The following FILIP1L variants were observed in gnomAD, a reference collection of about 807,000 sequenced individuals.
FILIP1L encodes the protein filamin A interacting protein 1 like.
Under a neutral mutation model 96.6 loss-of-function variants are expected in FILIP1L, and 55 were observed. The ratio of observed to expected loss-of-function variants is 0.57; its 90% CI spans 0.46 to 0.71. The LOEUF (loss-of-function observed/expected upper bound fraction) is 0.71, where lower values mean the gene tolerates loss of function less well. Among genes scored for constraint, FILIP1L ranks in the 30% least tolerant of loss-of-function variants. The probability of loss-of-function intolerance (pLI) is 0.00; values close to 1 mark genes in which losing one functional copy is unlikely to be tolerated. For synonymous variants in FILIP1L, 467 were observed against 473.9 expected, an observed-to-expected ratio of 0.99 and a Z score of 0.19; for missense variants, 1,304 against 1,321.2, an observed-to-expected ratio of 0.99 and a Z score of 0.20.
At chr3:100,100,974 G>A (rs919928894) in intron 1 of FILIP1L, among the ~76,000 whole-genome samples, 1 of 152,152 alleles carries the variant, frequency 6.6e-6, no homozygotes, top group Non-Finnish European at 1.5e-5. Flanking sequence ...GGTATATGGA[G>A]AACAGAGAAG....
intron 4 of FILIP1L, among the ~76,000 whole-genome samples, chr3:99,875,189 G>GA (rs1183305225): frequency 2.6e-5 from 4 of 152,060 alleles, no homozygotes; most frequent in Non-Finnish European, 5.9e-5. Flanking sequence ...CTTTTAGTTG[G>GA]AAAAAATGAA....
chr3:100,004,518 T>G (rs1397774581), intron 1 of FILIP1L, among the ~76,000 whole-genome samples: 2 of 152,098 alleles, frequency 1.3e-5, no homozygotes, highest in Non-Finnish European at 2.9e-5. Flanking sequence ...AAAATCCCAT[T>G]AAATTTAGTT....
chr3:99,924,112 C>T, intron 4 of FILIP1L, 118 bp downstream of exon 4: 1 of 843,044 alleles, frequency 1.2e-6, no homozygotes, highest in Non-Finnish European at 1.9e-6. Flanking sequence ...TCACCCTGGA[C>T]TATGAGATCT....
chr3:99,963,316 T>C (rs1335108924), intron 1 of FILIP1L, among the ~76,000 whole-genome samples: 1 of 152,224 alleles, frequency 6.6e-6, no homozygotes, highest in Non-Finnish European at 1.5e-5. Context: ...AAGTGCTTCT[T>C]GGGAACAGAA....
chr3:99,991,836 ATG>A (rs112596171), intron 1 of FILIP1L, among the ~76,000 whole-genome samples: 122 of 143,494 alleles, frequency 8.5e-4, no homozygotes, highest in African/African-American at 1.7e-3. Context: ...ATATATATAT[ATG>A]TGTGTGTGTG....
At chr3:99,886,584 C>T (rs2107609065) in intron 4 of FILIP1L, among the ~76,000 whole-genome samples, 1 of 151,884 alleles carries the variant, frequency 6.6e-6, no homozygotes, top group Middle Eastern at 3.4e-3. Context: ...ATAGAACAAA[C>T]AAATGAACAA....
At chr3:100,040,227 G>A (rs2065180716) in intron 1 of FILIP1L, 2 of 151,908 alleles carry the variant, frequency 1.3e-5, no homozygotes, top group African/African-American at 4.8e-5. Flanking sequence ...TACAACATAA[G>A]ATTAAACAAA....
rs34655586 is a variant in FILIP1L, at chr3:99,971,333, C to CAA, written c.-10-40305_-10-40304dup. ...CCAGCCTGGGTGACAGAGCCCATCT[C>CAA]AAAAAAAAAAAAAAAAGAGAATATG... On this transcript the variant is annotated intron_variant, in intron 1 of 5. Coordinates refer to ENST00000477258, the MANE Select transcript of FILIP1L (RefSeq NM_001387850.1). 6.1e-3 allele frequency among the ~76,000 whole-genome samples: 745 copies of CAA among 121,336 alleles called. 6 individuals are homozygous for CAA. The highest frequency in any genetic ancestry group is 6.4e-3 in the Non-Finnish European group (372 of 57,788). 79.6% of individuals were successfully genotyped at this position (121,336 alleles called of 152,430 possible). A position where few individuals can be genotyped will look rare whatever the true frequency, so the allele number is the denominator to read the frequency against.
intron 4 of FILIP1L, chr3:99,898,096 C>T (rs2107622564): frequency 6.6e-6 from 1 of 152,156 alleles, no homozygotes; most frequent in East Asian, 1.9e-4. Flanking sequence ...AGTTATTAGA[C>T]TCTCAAGGAA....
At chr3:100,047,632 G>C (rs1025128314) in intron 1 of FILIP1L, among the ~76,000 whole-genome samples, 2 of 152,314 alleles carry the variant, frequency 1.3e-5, no homozygotes, top group East Asian at 3.9e-4. Flanking sequence ...AACTGCAGGT[G>C]TCTGTCAAGA....
chr3:100,071,298 A>G (rs2065759749), intron 1 of FILIP1L, among the ~76,000 whole-genome samples: 1 of 152,114 alleles, frequency 6.6e-6, no homozygotes, highest in Non-Finnish European at 1.5e-5. Flanking sequence ...AGATGGAGAA[A>G]CTTGTACATC....
At chr3:100,017,858 T>C (rs948664939) in intron 1 of FILIP1L, among the ~76,000 whole-genome samples, 2 of 152,112 alleles carry the variant, frequency 1.3e-5, no homozygotes, top group Non-Finnish European at 2.9e-5. Flanking sequence ...ACCATCAGCT[T>C]TCTATTTCTC....
rs1215483956 is a variant in FILIP1L, at chr3:99,830,609, G to A, written c.3382-4C>T. 1 of 456,378 alleles carries A rather than the reference G, an allele frequency of 2.2e-6. No homozygotes were observed. The highest frequency in any genetic ancestry group is 4.4e-6 in the Non-Finnish European group (1 of 226,886). The allele number at this position is 456,378 out of a possible 1,614,324, so 28.3% of individuals were successfully genotyped here. A position where few individuals can be genotyped will look rare whatever the true frequency, so the allele number is the denominator to read the frequency against. ...TCTGCTTGCATACCTCCTTGATCTTGAATTAAACAAGAGAACAAAAGGTAA... is the reference window on the plus strand; with the variant it reads ...TCTGCTTGCATACCTCCTTGATCTTAAATTAAACAAGAGAACAAAAGGTAA... On this transcript the variant is annotated splice_region_variant and splice_polypyrimidine_tract_variant and intron_variant, in intron 5 of 5. Transcript: ENST00000477258.
chr3:100,086,045 C>T (rs190674094), intron 1 of FILIP1L, among the ~76,000 whole-genome samples: 3 of 152,154 alleles, frequency 2.0e-5, no homozygotes, highest in African/African-American at 4.8e-5. Context: ...AAATATGATT[C>T]GTGTTAGAGA....
At chr3:99,936,468 T>C (rs113650735) in intron 1 of FILIP1L, among the ~76,000 whole-genome samples, 4 of 127,776 alleles carry the variant, frequency 3.1e-5, no homozygotes, top group South Asian at 5.4e-4. Flanking sequence ...CTCCACCTCC[T>C]GGGTTCAAGC....
rs1388192089 is a variant in FILIP1L at position 99,930,822 on chromosome 3, G to A, written c.199C>T (p.Leu67Phe). 1.2e-6 allele frequency: 2 copies of A among 1,612,698 alleles called. No homozygotes were observed. The highest frequency in any genetic ancestry group is 2.2e-5 in the South Asian group (2 of 90,882). Residue 67 changes from leucine to phenylalanine, a missense_variant, in exon 2 of 6, where the codon CTC becomes TTC. By Grantham distance (22) the Leu-to-Phe change is conservative. Coordinates refer to ENST00000477258, the MANE Select transcript of FILIP1L (RefSeq NM_001387850.1). Reference sequence around the variant, plus strand: ...AGAAATAACAGGTCATCTCTTGAGAGGTCTTCTGCTTGGTGGCCATTACCA... The same window carrying A: ...AGAAATAACAGGTCATCTCTTGAGAAGTCTTCTGCTTGGTGGCCATTACCA... Reference protein sequence around the residue: ...HSGNGHQAEDLSRDDLLFLLS... With the variant: ...HSGNGHQAEDFSRDDLLFLLS...
At chr3:99,888,629 G>A (rs1294549193) in intron 4 of FILIP1L, among the ~76,000 whole-genome samples, 1 of 152,158 alleles carries the variant, frequency 6.6e-6, no homozygotes, top group Non-Finnish European at 1.5e-5. Flanking sequence ...CCTCCTAACT[G>A]CTTAACCTAT....
chr3:100,058,689 G>A (rs1381005351), intron 1 of FILIP1L, among the ~76,000 whole-genome samples: 4 of 152,082 alleles, frequency 2.6e-5, no homozygotes, highest in Non-Finnish European at 1.5e-5. Context: ...AAACCCAGAA[G>A]CATCAACAGA....
intron 1 of FILIP1L, among the ~76,000 whole-genome samples, chr3:100,038,144 C>G (rs1003487336): frequency 1.1e-4 from 16 of 152,030 alleles, no homozygotes; most frequent in African/African-American, 3.9e-4. Context: ...TTAGTAGAGA[C>G]AGAGTTTCAC....
Sources: allele counts gnomAD v4.1 joint callset (sites outside exome capture counted in the v4.1 genomes callset), GRCh38; gene constraint gnomAD v4.1.1; transcripts MANE v1.5; gene names NCBI Gene and HGNC (gene_info 2026-07-23, HGNC 2026-07-21).